Variants in ACTA2 observed in about 807,000 individuals in gnomAD.
The protein encoded by ACTA2 is actin alpha 2, smooth muscle.
In ACTA2, 12 loss-of-function variants were observed where a neutral mutation model predicts 39.5. The observed-to-expected ratio is 0.30, with a 90% CI of 0.19 to 0.49. ACTA2 has a LOEUF of 0.49. Ranked by LOEUF, ACTA2 falls within the 20% of genes least tolerant of loss-of-function variation. ACTA2 has a pLI of 0.99. For missense variants in ACTA2, 236 were observed against 498.8 expected (o/e 0.47, Z 5.02); for synonymous variants, 158 against 180.6 (o/e 0.88, Z 1.00).
rs1466627296 is a variant in ACTA2 at position 88,991,278 on chromosome 10, GA to G, written c.-364del. On this transcript the variant is annotated 5_prime_UTR_variant, in exon 1 of 5. Transcript: ENST00000415557. ...GGAAGCTTTAGGGTCGCTGGAGGGGGACCCCGGTTGGAGAGAGGAGCGGAAC... is the reference window on the plus strand; with the variant it reads ...GGAAGCTTTAGGGTCGCTGGAGGGGGCCCCGGTTGGAGAGAGGAGCGGAAC... 9 of 427,978 alleles carry G rather than the reference GA, an allele frequency of 2.1e-5. No homozygotes were observed. The East Asian group carries it at 3.5e-4, about 16-fold the overall frequency. 26.5% of individuals were successfully genotyped at this position (427,978 alleles called of 1,614,324 possible). A position where few individuals can be genotyped will look rare whatever the true frequency, so the allele number is the denominator to read the frequency against.
intron 7 of ACTA2, among the ~76,000 whole-genome samples, chr10:88,938,629 A>G (rs763034462): frequency 1.8e-4 from 27 of 151,408 alleles, no homozygotes; most frequent in Middle Eastern, 6.9e-3. Flanking sequence ...GCTACGTTGC[A>G]TCTGCCCCAG....
chr10:88,943,952 A>G, intron 3 of ACTA2, 45 bp from the exon 4 acceptor site: 1 of 1,568,652 alleles, frequency 6.4e-7, no homozygotes, highest in Non-Finnish European at 8.8e-7. Flanking sequence ...ATGTGCTGTC[A>G]TGAGGTCCTG....
At chr10:88,947,002 T>G (rs905820380) in intron 3 of ACTA2, 8 of 356,776 alleles carry the variant, frequency 2.2e-5, no homozygotes, top group African/African-American at 1.7e-4. Flanking sequence ...TTTGGTTTTT[T>G]GTCCTTGCGA....
At chr10:88,972,341 GTT>G (rs1846465781) in intron 1 of ACTA2, among the ~76,000 whole-genome samples, 1 of 152,180 alleles carries the variant, frequency 6.6e-6, no homozygotes, top group African/African-American at 2.4e-5. Context: ...ATTGGTAACT[GTT>G]ATTTGTAATA....
chr10:88,990,846 C>A lies in ACTA2; in HGVS notation c.-24+93G>T, dbSNP rs775127863. On this transcript the variant is annotated intron_variant, in intron 1 of 4. Transcript: ENST00000415557. The surrounding 1 kb of genome is among the most constrained non-coding windows in gnomAD (Gnocchi z 4.9). ...CCCGCTCAGTACGGAGTTGGGGAAG[C>A]TCTTTCACTTCGGAGGATTGCTCAA... The A allele has an allele frequency of 2.1e-5, 34 of 1,614,120 alleles. No individual in the cohort carries two copies. The South Asian group carries it at 3.6e-4, about 17-fold the overall frequency.
chr10:88,966,928 G>C (rs1183592742), intron 1 of ACTA2, among the ~76,000 whole-genome samples: 2 of 152,214 alleles, frequency 1.3e-5, no homozygotes, highest in Non-Finnish European at 2.9e-5. Flanking sequence ...GATACCATTA[G>C]GAGATCCTGA....
At chr10:88,977,457 A>G (rs1014158791) in intron 1 of ACTA2, among the ~76,000 whole-genome samples, 4 of 152,108 alleles carry the variant, frequency 2.6e-5, no homozygotes, top group Non-Finnish European at 5.9e-5. Flanking sequence ...CAGGTTTGTC[A>G]AAGATCAGAT....
At chr10:88,969,913 T>C (rs768617484) in intron 1 of ACTA2, among the ~76,000 whole-genome samples, 1 of 152,202 alleles carries the variant, frequency 6.6e-6, no homozygotes, top group Non-Finnish European at 1.5e-5. Context: ...TTGTAAACTC[T>C]GCCAAGGCCT....
intron 8 of ACTA2, among the ~76,000 whole-genome samples, chr10:88,936,280 A>G (rs1295552465): frequency 3.3e-5 from 5 of 152,208 alleles, no homozygotes; most frequent in Non-Finnish European, 5.9e-5. Context: ...GGGTTCTCCC[A>G]GGTGGTTTTA....
chr10:88,960,266 TCAGA>T (rs1245971135), intron 1 of ACTA2, among the ~76,000 whole-genome samples: 15 of 152,126 alleles, frequency 9.9e-5, no homozygotes, highest in African/African-American at 1.4e-4. Flanking sequence ...TGGGAATCAC[TCAGA>T]CAAACAGCTG....
intron 1 of ACTA2, among the ~76,000 whole-genome samples, chr10:88,985,847 C>T (rs1401002304): frequency 6.6e-6 from 1 of 152,222 alleles, no homozygotes; most frequent in African/African-American, 2.4e-5. Flanking sequence ...AGAGAAAGCG[C>T]TGCCATGCCT....
In ACTA2 at chr10:88,990,564, T is replaced by C. The variant is rs1451045804; in HGVS notation, c.-24+375A>G. On this transcript the variant is annotated intron_variant, in intron 1 of 4. Coordinates refer to the ACTA2 transcript ENST00000415557. This position sits in a 1 kb window ranked among gnomAD's most constrained non-coding sequence, Gnocchi z 4.9. ...CGCGCAGGCCAAGTTGCTGAATCAATGGAGCCCTCCCCAACCCGGGCGTTC... is the reference window on the plus strand; with the variant it reads ...CGCGCAGGCCAAGTTGCTGAATCAACGGAGCCCTCCCCAACCCGGGCGTTC... 2 of 645,732 alleles carry C rather than the reference T, an allele frequency of 3.1e-6. No individual in the cohort carries two copies. The highest frequency in any genetic ancestry group is 4.2e-5 in the Admixed American group (2 of 48,100). The allele number at this position is 645,732 out of a possible 1,614,324, so 40.0% of individuals were successfully genotyped here. A position where few individuals can be genotyped will look rare whatever the true frequency, so the allele number is the denominator to read the frequency against.
intron 1 of ACTA2, among the ~76,000 whole-genome samples, chr10:88,976,458 G>A (rs1846566889): frequency 6.6e-6 from 1 of 152,200 alleles, no homozygotes; most frequent in Non-Finnish European, 1.5e-5. Context: ...GAGGATCACG[G>A]AAAATGGAGA....
chr10:88,946,485 C>T (rs1231320654), intron 3 of ACTA2, among the ~76,000 whole-genome samples: 2 of 151,868 alleles, frequency 1.3e-5, no homozygotes, highest in Admixed American at 6.6e-5. Context: ...CTCCATATCC[C>T]AGGCTCAAGT....
At chr10:88,964,875 G>A (rs534313900) in intron 1 of ACTA2, among the ~76,000 whole-genome samples, 4 of 152,148 alleles carry the variant, frequency 2.6e-5, no homozygotes, top group African/African-American at 7.2e-5. Flanking sequence ...TCTTTTGCCC[G>A]CCTGTTTTTC....
intron 3 of ACTA2, among the ~76,000 whole-genome samples, chr10:88,945,439 T>C (rs1845928341): frequency 6.6e-6 from 1 of 152,228 alleles, no homozygotes; most frequent in Non-Finnish European, 1.5e-5. Context: ...AGTGAGCCGA[T>C]AGATAAATAA....
chr10:88,981,106 G>A (rs1229101062), intron 1 of ACTA2, among the ~76,000 whole-genome samples: 8 of 152,208 alleles, frequency 5.3e-5, no homozygotes, highest in African/African-American at 1.4e-4. Context: ...GGCAGGCCCA[G>A]CAATATCCAA....
upstream of ACTA2, among the ~76,000 whole-genome samples, chr10:88,956,979 C>G (rs1427729396): frequency 6.6e-6 from 1 of 152,168 alleles, no homozygotes; most frequent in East Asian, 1.9e-4. Flanking sequence ...GGAGGTGGAG[C>G]CCTTATCAAT....
intron 1 of ACTA2, among the ~76,000 whole-genome samples, chr10:88,982,701 G>A (rs1453964145): frequency 1.3e-5 from 2 of 152,140 alleles, no homozygotes; most frequent in Admixed American, 1.3e-4. Context: ...TATTTATGTA[G>A]TCAAGTAAGA....
Sources: gnomAD v4.1 joint callset for allele counts (sites outside exome capture counted in the v4.1 genomes callset) on GRCh38, gnomAD v4.1.1 for gene constraint, Gnocchi (gnomAD v3.1) non-coding constraint, MANE v1.5 for transcripts, NCBI Gene and HGNC (gene_info 2026-07-23, HGNC 2026-07-21) for gene names.